MAEL: variants seen among roughly 807,000 people sequenced by gnomAD.
MAEL encodes protein maelstrom homolog.
Under a neutral mutation model 62.0 loss-of-function variants are expected in MAEL, and 46 were observed. The ratio of observed to expected loss-of-function variants is 0.74; its 90% confidence interval spans 0.59 to 0.95. MAEL has a LOEUF of 0.95. Among genes scored for constraint, MAEL ranks in the 40% least tolerant of loss-of-function variants. The pLI, the probability that MAEL is intolerant of heterozygous loss-of-function variation, is 0.00. For missense variants in MAEL, 497 were observed against 526.8 expected, an observed-to-expected ratio of 0.94 and a Z score of 0.55; for synonymous variants, 172 against 175.5, an observed-to-expected ratio of 0.98 and a Z score of 0.16.
upstream of MAEL, among the ~76,000 whole-genome samples, chr1:166,987,565 G>A (rs776527351): frequency 5.3e-5 from 8 of 152,172 alleles, no homozygotes; most frequent in Non-Finnish European, 1.0e-4. Context: ...ATAAGAAACT[G>A]TCAACCAGTT....
intron 10 of MAEL, among the ~76,000 whole-genome samples, chr1:167,020,311 T>C (rs972819457): frequency 3.9e-5 from 6 of 152,098 alleles, no homozygotes; most frequent in African/African-American, 1.2e-4. Context: ...CCTCTTTTTT[T>C]CCTCATACTT....
intron 1 of MAEL, among the ~76,000 whole-genome samples, chr1:166,978,786 A>AC (rs1180898767): frequency 1.3e-5 from 2 of 152,146 alleles, no homozygotes; most frequent in Non-Finnish European, 2.9e-5. Context: ...ATAGGACAGG[A>AC]CCCCAAATAG....
At chr1:167,007,317 T>G (rs896782373) in intron 8 of MAEL, among the ~76,000 whole-genome samples, 1 of 152,170 alleles carries the variant, frequency 6.6e-6, no homozygotes, top group African/African-American at 2.4e-5. Context: ...CTTTTGACAT[T>G]GCTTCATTGC....
At chr1:166,993,625 T>TTTTCC (rs1463597919) in intron 4 of MAEL, among the ~76,000 whole-genome samples, 1 of 152,198 alleles carries the variant, frequency 6.6e-6, no homozygotes, top group African/African-American at 2.4e-5. Context: ...AAAGAGCTGC[T>TTTTCC]TTTCCCCACA....
intron 3 of MAEL, 83 bp downstream of exon 3, chr1:166,991,560 A>C: frequency 1.2e-6 from 1 of 818,526 alleles, no homozygotes; most frequent in Non-Finnish European, 2.1e-6. Flanking sequence ...TTTTCTGTTC[A>C]TTTTGATCCT....
chr1:167,005,051 G>GT, intron 6 of MAEL, 25 bp from the exon 7 acceptor site: 1 of 1,607,094 alleles, frequency 6.2e-7, no homozygotes. Flanking sequence ...TTTTTGTTTT[G>GT]TTTTTTGTTT....
At chr1:167,012,648 C>A (rs968097298) in intron 8 of MAEL, 2 of 152,166 alleles carry the variant, frequency 1.3e-5, no homozygotes, top group South Asian at 4.1e-4. Flanking sequence ...GACACTCTGA[C>A]AGAGAAGAAT....
chr1:166,988,321 G>A (rs1196939417), upstream of MAEL, among the ~76,000 whole-genome samples: 4 of 137,994 alleles, frequency 2.9e-5, no homozygotes, highest in Non-Finnish European at 6.0e-5. Context: ...CTGCACTCCA[G>A]CCTGGGTGAC....
At chr1:167,018,564 T>C (rs1326849495) in intron 10 of MAEL, among the ~76,000 whole-genome samples, 4 of 152,084 alleles carry the variant, frequency 2.6e-5, no homozygotes, top group Non-Finnish European at 5.9e-5. Context: ...TTGTTAGGAT[T>C]AAATGCAGCA....
chr1:166,993,748 C>T (rs569472254), intron 4 of MAEL, among the ~76,000 whole-genome samples: 27 of 152,266 alleles, frequency 1.8e-4, no homozygotes, highest in Non-Finnish European at 3.4e-4. Flanking sequence ...CATTCATGGA[C>T]GTGGAGCTAA....
chr1:166,997,073 G>A (rs535569623), intron 5 of MAEL, among the ~76,000 whole-genome samples: 6 of 152,150 alleles, frequency 3.9e-5, no homozygotes, highest in Admixed American at 6.5e-5. Context: ...TGATCTGCCC[G>A]CCTCGGTCTC....
intron 1 of MAEL, among the ~76,000 whole-genome samples, chr1:166,983,080 A>T (rs143120628): frequency 3.5e-4 from 54 of 152,350 alleles, no homozygotes; most frequent in African/African-American, 1.3e-3. Flanking sequence ...CCAAAAAGAT[A>T]TTCTGACATC....
In MAEL at chr1:167,022,019, C is replaced by A; in HGVS notation, c.*164C>A. 1 of 553,050 alleles carries A rather than the reference C, an allele frequency of 1.8e-6. No individual in the cohort carries two copies. The highest frequency in any genetic ancestry group is 3.7e-5 in the Admixed American group (1 of 27,194). The allele number at this position is 553,050 out of a possible 1,614,324, so 34.3% of individuals were successfully genotyped here. A position where few individuals can be genotyped will look rare whatever the true frequency, so the allele number is the denominator to read the frequency against. On this transcript the variant is annotated 3_prime_UTR_variant, in exon 12 of 12. Transcript: ENST00000367872. ...ATTTAAAAAAATTGTGGTTGGAGAG[C>A]ATCTTGGCATTTGTGCTTTTTTTCT...
chr1:167,007,460 CAGTT>C (rs752748364), intron 8 of MAEL, among the ~76,000 whole-genome samples: 16 of 152,122 alleles, frequency 1.1e-4, no homozygotes, highest in Non-Finnish European at 1.8e-4. Context: ...TGGAGCATAA[CAGTT>C]AGGAGATAGA....
intron 5 of MAEL, among the ~76,000 whole-genome samples, chr1:166,995,876 T>C (rs935886186): frequency 6.6e-6 from 1 of 152,196 alleles, no homozygotes; most frequent in African/African-American, 2.4e-5. Context: ...AAAAATCTAT[T>C]TTTGACGACC....
chr1:166,985,616 A>T (rs1233323932), upstream of MAEL, among the ~76,000 whole-genome samples: 3 of 152,242 alleles, frequency 2.0e-5, no homozygotes, highest in Non-Finnish European at 4.4e-5. Flanking sequence ...CAAATAACAA[A>T]GCAGAAAAGT....
chr1:166,986,945 CGTGTGTGTGTGTGTGTGTGTGT>C (rs58393275), upstream of MAEL, among the ~76,000 whole-genome samples: 2 of 147,030 alleles, frequency 1.4e-5, no homozygotes, highest in Non-Finnish European at 3.0e-5. Context: ...AGGAAGGGGA[CGTGTGTGTGTGTGTGTGTGTGT>C]GTGTGTGTGT....
At chr1:167,015,392 C>A (rs1665348569) in intron 8 of MAEL, among the ~76,000 whole-genome samples, 1 of 152,046 alleles carries the variant, frequency 6.6e-6, no homozygotes, top group South Asian at 2.1e-4. Context: ...CATGAAATAA[C>A]TTTCATCCAG....
upstream of MAEL, among the ~76,000 whole-genome samples, chr1:166,987,313 A>G (rs551003670): frequency 6.6e-6 from 1 of 152,276 alleles, no homozygotes; most frequent in South Asian, 2.1e-4. Context: ...GCCTTCTTTC[A>G]CTCAACAAAA....
Sources: gnomAD v4.1 joint callset for allele counts (sites outside exome capture counted in the v4.1 genomes callset) on GRCh38, gnomAD v4.1.1 for gene constraint, MANE v1.5 for transcripts, NCBI Gene and HGNC (gene_info 2026-07-23, HGNC 2026-07-21) for gene names.